Variants in EPHA3 observed in about 807,000 individuals in gnomAD.
The protein encoded by EPHA3 is ephrin type-A receptor 3.
In EPHA3, 42 loss-of-function variants were observed where a neutral mutation model predicts 107.1. That is an observed-to-expected ratio of 0.39 (90% CI 0.31 to 0.51). EPHA3 has a LOEUF of 0.51. Among genes scored for constraint, EPHA3 ranks in the 20% least tolerant of loss-of-function variants. The probability of loss-of-function intolerance (pLI) is 0.78; values close to 1 mark genes in which losing one functional copy is unlikely to be tolerated. For synonymous variants in EPHA3, 461 were observed against 424.8 expected (o/e 1.09, Z -1.05); for missense variants, 1,183 against 1,211.2 (o/e 0.98, Z 0.35).
chr3:89,270,214 G>C (rs963145774), intron 3 of EPHA3, among the ~76,000 whole-genome samples: 1 of 151,952 alleles, frequency 6.6e-6, no homozygotes, highest in African/African-American at 2.4e-5. Context: ...TTAGTAAATG[G>C]TTAGAAACTG....
intron 15 of EPHA3, among the ~76,000 whole-genome samples, chr3:89,467,960 C>T (rs941109893): frequency 6.6e-6 from 1 of 152,146 alleles, no homozygotes; most frequent in African/African-American, 2.4e-5. Flanking sequence ...GCTCACGGTG[C>T]ACATCACCCA....
chr3:89,203,814 G>GA (rs920305545), intron 2 of EPHA3, among the ~76,000 whole-genome samples: 1 of 151,748 alleles, frequency 6.6e-6, no homozygotes, highest in Admixed American at 6.6e-5. Flanking sequence ...AAAATATTAA[G>GA]AAAAAAACCT....
At chr3:89,435,681 G>A (rs542498904) in intron 13 of EPHA3, among the ~76,000 whole-genome samples, 21 of 147,990 alleles carry the variant, frequency 1.4e-4, no homozygotes, top group African/African-American at 4.4e-4. Flanking sequence ...GGACAGGTGC[G>A]GTGGCTCATG....
rs1704266893 is a variant in EPHA3 at position 89,134,324 on chromosome 3, C to G, written c.153+7051C>G. ...TGTTGGTGTGCTGCACCCATTAACT[C>G]GTCATTTACATTAGGTATATCTCCT... On this transcript the variant is annotated intron_variant, in intron 2 of 16. Transcript: ENST00000336596. Among the ~76,000 whole-genome samples, 8 of 152,016 alleles carry G rather than the reference C, an allele frequency of 5.3e-5. No homozygotes were observed. In the South Asian group the frequency reaches 1.7e-3, roughly 32 times the overall value.
intron 16 of EPHA3, among the ~76,000 whole-genome samples, chr3:89,478,641 T>G (rs1710565825): frequency 6.6e-6 from 1 of 152,130 alleles, no homozygotes; most frequent in Admixed American, 6.5e-5. Context: ...CCAGAGAGGA[T>G]ATCTCAAGCA....
intron 2 of EPHA3, among the ~76,000 whole-genome samples, chr3:89,195,376 G>A (rs916339458): frequency 2.0e-5 from 3 of 152,002 alleles, no homozygotes; most frequent in African/African-American, 4.8e-5. Flanking sequence ...CAGATTTAGG[G>A]GAAGTTATTG....
rs1559661236 is a variant in EPHA3, at chr3:89,354,728, C to G, written c.1306+12638C>G. ...TTCTTGACATGATTAGCACTGCACT[C>G]CAGTCCTTTATGTAATTATCTTATT... On this transcript the variant is annotated intron_variant, in intron 5 of 16. Coordinates refer to ENST00000336596, the MANE Select transcript of EPHA3 (RefSeq NM_005233.6). Among the ~76,000 whole-genome samples, 4 of 151,032 alleles carry G rather than the reference C, an allele frequency of 2.6e-5. No individual in the cohort carries two copies. The South Asian group carries it at 8.3e-4, about 31-fold the overall frequency.
intron 15 of EPHA3, 60 bp from the exon 16 acceptor site, chr3:89,472,404 G>T: frequency 6.5e-7 from 1 of 1,543,590 alleles, no homozygotes; most frequent in South Asian, 1.2e-5. Context: ...GTCAAATTTT[G>T]ACACACAGCA....
intron 15 of EPHA3, among the ~76,000 whole-genome samples, chr3:89,467,480 C>G (rs1710308838): frequency 6.6e-6 from 1 of 152,124 alleles, no homozygotes. Context: ...AGGAGTAAAT[C>G]TCTTTGTAAT....
chr3:89,279,914 C>T (rs1705898270), intron 3 of EPHA3, among the ~76,000 whole-genome samples: 1 of 151,958 alleles, frequency 6.6e-6, no homozygotes, highest in South Asian at 2.1e-4. Flanking sequence ...AAGAAATGAT[C>T]TTTATTAAAC....
At chr3:89,375,244 T>C (rs1446141344) in intron 5 of EPHA3, among the ~76,000 whole-genome samples, 2 of 151,832 alleles carry the variant, frequency 1.3e-5, no homozygotes, top group African/African-American at 4.8e-5. Context: ...AAGCTTTATA[T>C]GGTCTCGGCT....
At chr3:89,286,904 T>C (rs2107322772) in intron 3 of EPHA3, among the ~76,000 whole-genome samples, 1 of 152,282 alleles carries the variant, frequency 6.6e-6, no homozygotes, top group South Asian at 2.1e-4. Context: ...CAACATGTCC[T>C]TGTTTTGTTT....
At chr3:89,124,348 A>C (rs1222924749) in intron 1 of EPHA3, among the ~76,000 whole-genome samples, 1 of 152,120 alleles carries the variant, frequency 6.6e-6, no homozygotes, top group African/African-American at 2.4e-5. Context: ...TTCTTACCTC[A>C]ATTATGCTGT....
chr3:89,125,287 C>A (rs1386932075), intron 1 of EPHA3, among the ~76,000 whole-genome samples: 1 of 151,662 alleles, frequency 6.6e-6, no homozygotes, highest in African/African-American at 2.4e-5. Context: ...CTATGCAAAT[C>A]CCATATAAAG....
chr3:89,313,054 A>G (rs150105289), intron 3 of EPHA3, among the ~76,000 whole-genome samples: 115 of 152,066 alleles, frequency 7.6e-4, no homozygotes, highest in Admixed American at 7.2e-3. Flanking sequence ...GTATGTGTGC[A>G]TGTGTCTTTA....
intron 3 of EPHA3, among the ~76,000 whole-genome samples, chr3:89,215,264 T>C (rs1395665597): frequency 1.3e-5 from 2 of 151,934 alleles, no homozygotes; most frequent in East Asian, 3.8e-4. Context: ...TATTATTATG[T>C]GATATTACTG....
At chr3:89,176,958 C>T (rs1315507838) in intron 2 of EPHA3, among the ~76,000 whole-genome samples, 2 of 152,004 alleles carry the variant, frequency 1.3e-5, no homozygotes, top group Admixed American at 6.6e-5. Flanking sequence ...TACAAAAACA[C>T]AGCCACATAC....
chr3:89,184,011 T>A (rs1469553250), intron 2 of EPHA3, among the ~76,000 whole-genome samples: 1 of 151,992 alleles, frequency 6.6e-6, no homozygotes, highest in African/African-American at 2.4e-5. Flanking sequence ...CAGTATTTTG[T>A]GTTTTTTTTA....
rs193097408 is a variant in EPHA3 at position 89,222,554 on chromosome 3, T to C, written c.814+12034T>C. Among the ~76,000 whole-genome samples the C allele has an allele frequency of 2.7e-3, 407 of 150,748 alleles. 1 individual carries two copies. Among genetic ancestry groups the C allele is most frequent in the Non-Finnish European group, 4.8e-3 (327 of 67,724 alleles). ...AGATGTATAGATATGTGCATGTCTA[T>C]ACATGTCCATACACATATATGCACT... On this transcript the variant is annotated intron_variant, in intron 3 of 16. Coordinates refer to ENST00000336596, the MANE Select transcript of EPHA3 (RefSeq NM_005233.6).
Sources: allele counts gnomAD v4.1 joint callset (sites outside exome capture counted in the v4.1 genomes callset), GRCh38; gene constraint gnomAD v4.1.1; transcripts MANE v1.5; gene names NCBI Gene and HGNC (gene_info 2026-07-23, HGNC 2026-07-21).